The following RNF138 variants were observed in gnomAD, a reference collection of about 807,000 sequenced individuals.
RNF138 encodes the protein ring finger protein 138.
RNF138 carries 12 observed loss-of-function variants against 31.0 expected under a neutral mutation model. The observed-to-expected ratio is 0.39, with a 90% CI of 0.25 to 0.63. The LOEUF is 0.63. RNF138 is among the 20% of genes least tolerant of loss of function. The pLI, the probability that RNF138 is intolerant of heterozygous loss-of-function variation, is 0.52. For synonymous variants in RNF138, 105 were observed against 99.5 expected (o/e 1.06, Z -0.33); for missense variants, 192 against 300.1 (o/e 0.64, Z 2.66).
intron 2 of RNF138, among the ~76,000 whole-genome samples, chr18:32,093,855 C>T (rs374513795): frequency 2.8e-4 from 43 of 152,276 alleles, no homozygotes; most frequent in African/African-American, 1.0e-3. Context: ...TCAGAGTCCC[C>T]GGGGAACTTT....
chr18:32,098,442 C>A (rs2039854053), intron 2 of RNF138, among the ~76,000 whole-genome samples: 1 of 152,196 alleles, frequency 6.6e-6, no homozygotes, highest in Non-Finnish European at 1.5e-5. Flanking sequence ...TGCCACAGCA[C>A]CTGGCTTTGT....
chr18:32,101,980 G>A (rs551263708), intron 2 of RNF138, among the ~76,000 whole-genome samples: 20 of 151,206 alleles, frequency 1.3e-4, no homozygotes, highest in African/African-American at 4.6e-4. Flanking sequence ...AGGCTTAAGC[G>A]ATCCTCCCAC....
intron 6 of RNF138, 179 bp downstream of exon 6, chr18:32,125,024 T>A: frequency 1.9e-6 from 1 of 539,854 alleles, no homozygotes; most frequent in South Asian, 2.5e-5. Flanking sequence ...TATTTAAAAT[T>A]GCAGTAACTC....
chr18:32,112,497 C>A (rs1178154556), intron 3 of RNF138, among the ~76,000 whole-genome samples: 6 of 152,136 alleles, frequency 3.9e-5, no homozygotes, highest in Admixed American at 3.9e-4. Flanking sequence ...ACCAGCCTGA[C>A]CAACATGGTG....
intron 2 of RNF138, among the ~76,000 whole-genome samples, chr18:32,097,544 TG>T (rs1335782666): frequency 6.6e-6 from 1 of 152,046 alleles, no homozygotes; most frequent in Non-Finnish European, 1.5e-5. Flanking sequence ...AGTGCAGTGG[TG>T]GGATCTTGGT....
At chr18:32,118,569 G>A (rs1268677773) in intron 4 of RNF138, among the ~76,000 whole-genome samples, 1 of 151,546 alleles carries the variant, frequency 6.6e-6, no homozygotes, top group Non-Finnish European at 1.5e-5. Context: ...AGTGGCTCAC[G>A]CCTGTAATCC....
Position 32,094,554 on chromosome 18 carries a change from A to G in RNF138, c.110+1668A>G, listed in dbSNP as rs143605454. ...GATTGAGTGTTCACAGGCATGTGTG[A>G]GATATGCCATCCTCAAACCTTGTTA... On this transcript the variant is annotated intron_variant, in intron 2 of 7. Coordinates refer to ENST00000261593, the MANE Select transcript of RNF138 (RefSeq NM_016271.5). Among the ~76,000 whole-genome samples, 720 of 152,188 alleles carry G rather than the reference A, an allele frequency of 4.7e-3. 5 individuals are homozygous for G. The highest frequency in any genetic ancestry group is 0.013 in the African/African-American group (524 of 41,508).
At chr18:32,093,105 G>GCTCCCGCT (rs71177843) in intron 2 of RNF138, among the ~76,000 whole-genome samples, 9,799 of 149,530 alleles carry the variant, frequency 0.066, 603 homozygotes, top group African/African-American at 0.16. Context: ...CTCAGCCCAA[G>GCTCCCGCT]CTCCCGCTCT....
chr18:32,098,030 G>T (rs2039847122), intron 2 of RNF138, among the ~76,000 whole-genome samples: 1 of 151,656 alleles, frequency 6.6e-6, no homozygotes, highest in Non-Finnish European at 1.5e-5. Flanking sequence ...GTGTTGCCCA[G>T]GCTGGATTGC....
chr18:32,109,759 G>A (rs1216571879), intron 2 of RNF138, among the ~76,000 whole-genome samples: 2 of 152,130 alleles, frequency 1.3e-5, no homozygotes, highest in African/African-American at 4.8e-5. Flanking sequence ...AGTGGTGCAT[G>A]CCTGTAGTCC....
chr18:32,113,410 TAAATA>T (rs1203729866), intron 3 of RNF138, among the ~76,000 whole-genome samples: 1 of 152,132 alleles, frequency 6.6e-6, no homozygotes, highest in Non-Finnish European at 1.5e-5. Context: ...CTGCAGAAGT[TAAATA>T]ATAAGACATG....
chr18:32,109,180 G>A (rs1370969859), intron 2 of RNF138, among the ~76,000 whole-genome samples: 2 of 147,910 alleles, frequency 1.4e-5, no homozygotes, highest in Non-Finnish European at 3.0e-5. Flanking sequence ...TTTAAACAAG[G>A]TCTCACTCTG....
At chr18:32,118,293 G>A (rs1459774750) in intron 4 of RNF138, among the ~76,000 whole-genome samples, 1 of 150,170 alleles carries the variant, frequency 6.7e-6, no homozygotes, top group Non-Finnish European at 1.5e-5. Context: ...CCCAGCTTTG[G>A]GAGGCCAAGG....
rs951693276 is a variant in RNF138 at position 32,093,065 on chromosome 18, C to T, written c.110+179C>T. ...AGTCCCGGGGCGGCCTTTTCCTCAGCCTCGGGGCCCGCTCCCCGCGTCCAG... is the reference window on the plus strand; with the variant it reads ...AGTCCCGGGGCGGCCTTTTCCTCAGTCTCGGGGCCCGCTCCCCGCGTCCAG... On this transcript the variant is annotated intron_variant, in intron 2 of 7. Transcript: ENST00000261593. Among the ~76,000 whole-genome samples, 79 of 151,804 alleles carry T rather than the reference C, an allele frequency of 5.2e-4. 1 individual carries two copies. Among genetic ancestry groups the T allele is most frequent in the Non-Finnish European group, 8.8e-5 (6 of 67,888 alleles).
intron 2 of RNF138, among the ~76,000 whole-genome samples, chr18:32,096,788 A>G (rs1211236252): frequency 6.6e-6 from 1 of 152,084 alleles, no homozygotes; most frequent in Non-Finnish European, 1.5e-5. Context: ...GTGCAGTGGC[A>G]TGATCATAGC....
intron 7 of RNF138, among the ~76,000 whole-genome samples, chr18:32,127,172 A>G: frequency 6.6e-6 from 1 of 152,204 alleles, no homozygotes; most frequent in East Asian, 1.9e-4. Context: ...TGCTTGTATT[A>G]TGCTAGAAAT....
At chr18:32,112,543 G>GGT (rs2144243235) in intron 3 of RNF138, among the ~76,000 whole-genome samples, 1 of 152,284 alleles carries the variant, frequency 6.6e-6, no homozygotes, top group East Asian at 1.9e-4. Context: ...AAATCAGCCA[G>GGT]GTGTGGTGGC....
intron 3 of RNF138, 48 bp from the exon 4 acceptor site, chr18:32,113,697 C>G (rs193151071): frequency 1.2e-6 from 1 of 842,294 alleles, no homozygotes; most frequent in African/African-American, 1.8e-5. Context: ...TATTTCAAAT[C>G]TTACGAGTTC....
chr18:32,107,665 C>T (rs534943450), intron 2 of RNF138, among the ~76,000 whole-genome samples: 1 of 151,720 alleles, frequency 6.6e-6, no homozygotes, highest in South Asian at 2.1e-4. Flanking sequence ...GGATTACAGG[C>T]GTGTGCCACC....
Sources: gnomAD v4.1 joint callset for allele counts (sites outside exome capture counted in the v4.1 genomes callset) on GRCh38, gnomAD v4.1.1 for gene constraint, MANE v1.5 for transcripts, NCBI Gene and HGNC (gene_info 2026-07-23, HGNC 2026-07-21) for gene names.